The following PCDHGA1 variants were observed in gnomAD, a reference collection of about 807,000 sequenced individuals.
PCDHGA1 encodes the protein protocadherin gamma-A1.
Under a neutral mutation model 58.0 loss-of-function variants are expected in PCDHGA1, and 32 were observed. The observed-to-expected ratio is 0.55, with a 90% confidence interval of 0.42 to 0.74. The LOEUF (loss-of-function observed/expected upper bound fraction) is 0.74, where lower values mean the gene tolerates loss of function less well. Among genes scored for constraint, PCDHGA1 ranks in the 30% least tolerant of loss-of-function variants. The pLI is 0.00. For missense variants in PCDHGA1, 1,205 were observed against 1,182.3 expected (o/e 1.02, Z -0.28); for synonymous variants, 498 against 501.1 (o/e 0.99, Z 0.08).
intron 1 of PCDHGA1, chr5:141,365,598 C>G (rs772367194): frequency 1.2e-6 from 2 of 1,613,672 alleles, no homozygotes; most frequent in Non-Finnish European, 1.7e-6. Flanking sequence ...ATCACTTTAA[C>G]CGTCATGGAC....
At chr5:141,366,447 C>T in intron 1 of PCDHGA1, 1 of 1,614,210 alleles carries the variant, frequency 6.2e-7, no homozygotes, top group South Asian at 1.1e-5. Flanking sequence ...GTCTTCCTGG[C>T]CTTCGTCATC....
At chr5:141,408,115 C>T (rs2095044760) in intron 1 of PCDHGA1, 1 of 1,461,312 alleles carries the variant, frequency 6.8e-7, no homozygotes, top group Non-Finnish European at 9.1e-7. Context: ...GGGACTCCTC[C>T]TGTCCTGGGC....
intron 1 of PCDHGA1, chr5:141,371,242 A>G (rs759523256): frequency 3.7e-6 from 6 of 1,613,916 alleles, no homozygotes; most frequent in East Asian, 2.2e-5. Context: ...GCCTTCATCA[A>G]TATTGGCAAG....
intron 1 of PCDHGA1, among the ~76,000 whole-genome samples, chr5:141,386,310 A>G (rs891781671): frequency 6.6e-6 from 1 of 152,216 alleles, no homozygotes; most frequent in African/African-American, 2.4e-5. Flanking sequence ...AGCTCAGTAT[A>G]TCAAGTGATT....
chr5:141,414,710 A>C (rs1253697066), intron 1 of PCDHGA1: 4 of 1,613,836 alleles, frequency 2.5e-6, no homozygotes, highest in African/African-American at 1.3e-5. Flanking sequence ...ATATCCATCA[A>C]CTCAGACACT....
At chr5:141,392,107 C>T (rs1289551398) in intron 1 of PCDHGA1, 1 of 152,168 alleles carries the variant, frequency 6.6e-6, no homozygotes, top group Non-Finnish European at 1.5e-5. Flanking sequence ...AAAGCAACAA[C>T]TCTATAGAAA....
In PCDHGA1 at chr5:141,385,021, G is replaced by A. The variant is rs556987681; in HGVS notation, c.2421+51916G>A. On this transcript the variant is annotated intron_variant, in intron 1 of 3. Coordinates refer to ENST00000517417, the MANE Select transcript of PCDHGA1 (RefSeq NM_018912.3). ...AGTCTCCTGCGTCTTCCTAGCCTTC[G>A]TCCTCGTACTGCTGGCGCTCAGGCT... 4.4e-5 allele frequency: 71 copies of A among 1,614,120 alleles called. No individual in the cohort carries two copies. The East Asian group carries it at 1.5e-3, about 35-fold the overall frequency.
intron 1 of PCDHGA1, among the ~76,000 whole-genome samples, chr5:141,480,240 C>CAAA (rs11374694): frequency 1.8e-5 from 2 of 114,046 alleles, no homozygotes; most frequent in Non-Finnish European, 3.8e-5. Context: ...CCTGTCTCTA[C>CAAA]AAAAAAAAAA....
chr5:141,499,563 A>C (rs979866448), intron 2 of PCDHGA1, among the ~76,000 whole-genome samples: 3 of 152,242 alleles, frequency 2.0e-5, no homozygotes, highest in Non-Finnish European at 2.9e-5. Context: ...ACCACTATCC[A>C]GCTTCAACTA....
intron 1 of PCDHGA1, chr5:141,441,824 G>A (rs1561905347): frequency 5.6e-6 from 2 of 356,750 alleles, no homozygotes; most frequent in South Asian, 4.7e-5. Flanking sequence ...GCTCTGGAGC[G>A]CAATGGCTTC....
At chr5:141,336,541 G>A (rs1375782181) in intron 1 of PCDHGA1, among the ~76,000 whole-genome samples, 5 of 152,118 alleles carry the variant, frequency 3.3e-5, no homozygotes, top group Admixed American at 1.3e-4. Flanking sequence ...GAGCCAAAAG[G>A]CAAACAGATT....
At chr5:141,395,131 C>G in intron 1 of PCDHGA1, 1 of 1,614,202 alleles carries the variant, frequency 6.2e-7, no homozygotes, top group Non-Finnish European at 8.5e-7. Flanking sequence ...TTTCCCCAGC[C>G]CAACTACGCA....
intron 1 of PCDHGA1, chr5:141,383,126 C>T (rs1024955582): frequency 6.2e-7 from 1 of 1,614,062 alleles, no homozygotes; most frequent in African/African-American, 1.3e-5. Context: ...CAGCTTTTCG[C>T]CCTGAACCAG....
chr5:141,371,438 C>T (rs1441229232), intron 1 of PCDHGA1: 3 of 1,613,764 alleles, frequency 1.9e-6, no homozygotes, highest in African/African-American at 1.3e-5. Flanking sequence ...CGGAGATAAC[C>T]CTGGCTTCTG....
chr5:141,358,906 A>C (rs1244538501), intron 1 of PCDHGA1, among the ~76,000 whole-genome samples: 2 of 152,180 alleles, frequency 1.3e-5, no homozygotes, highest in East Asian at 3.8e-4. Flanking sequence ...ATGAGGGAAA[A>C]TATTTTGTGT....
intron 1 of PCDHGA1, among the ~76,000 whole-genome samples, chr5:141,436,320 G>A (rs1158221950): frequency 6.6e-6 from 1 of 152,120 alleles, no homozygotes; most frequent in African/African-American, 2.4e-5. Flanking sequence ...AGTCAAGACT[G>A]TTAGACCATA....
intron 1 of PCDHGA1, chr5:141,423,253 C>T (rs750278899): frequency 6.2e-7 from 1 of 1,613,916 alleles, no homozygotes; most frequent in Non-Finnish European, 8.5e-7. Flanking sequence ...CCTGGCGGAC[C>T]TCGGCAGCCT....
At chr5:141,398,550 A>G (rs1390355431) in intron 1 of PCDHGA1, 2 of 1,613,816 alleles carry the variant, frequency 1.2e-6, no homozygotes, top group Non-Finnish European at 1.7e-6. Context: ...TTGAGCTGCA[A>G]ATAAGTGAGT....
At chr5:141,435,214 AC>A (rs1332585721) in intron 1 of PCDHGA1, among the ~76,000 whole-genome samples, 1 of 152,176 alleles carries the variant, frequency 6.6e-6, no homozygotes, top group African/African-American at 2.4e-5. Flanking sequence ...AAGTGAATTT[AC>A]TTTCTTTCAA....
Sources: allele counts gnomAD v4.1 joint callset (sites outside exome capture counted in the v4.1 genomes callset), GRCh38; gene constraint gnomAD v4.1.1; transcripts MANE v1.5; gene names NCBI Gene and HGNC (gene_info 2026-07-23, HGNC 2026-07-21).